Variants in SSBP3 observed in about 807,000 individuals in gnomAD.
SSBP3 encodes the protein single stranded DNA binding protein 3.
A neutral mutation model predicts 69.6 loss-of-function variants in SSBP3; 5 were observed. The ratio of observed to expected loss-of-function variants is 0.07; its 90% CI spans 0.04 to 0.15. The LOEUF is 0.15. SSBP3 is among the 10% of genes least tolerant of loss of function. The pLI is 1.00. For missense variants in SSBP3, 312 were observed against 534.0 expected (o/e 0.58, Z 4.10); for synonymous variants, 196 against 193.4 (o/e 1.01, Z -0.11).
At chr1:54,378,801 G>A (rs1330975677) in intron 4 of SSBP3, among the ~76,000 whole-genome samples, 4 of 152,200 alleles carry the variant, frequency 2.6e-5, no homozygotes, top group African/African-American at 9.7e-5. Context: ...AGAGCTGGAG[G>A]GCTGGGACAA....
intron 14 of SSBP3, among the ~76,000 whole-genome samples, chr1:54,234,697 CTGCTT>C (rs1279472651): frequency 2.3e-4 from 35 of 152,204 alleles, no homozygotes; most frequent in Admixed American, 1.5e-3. Flanking sequence ...ACATTCTGCT[CTGCTT>C]TCTTTCCCAC....
intron 4 of SSBP3, among the ~76,000 whole-genome samples, chr1:54,359,208 CAAAAAAAAA>C (rs56901465): frequency 9.3e-5 from 7 of 75,448 alleles, no homozygotes; most frequent in African/African-American, 1.9e-4. Context: ...ACCCTCCCCT[CAAAAAAAAA>C]AAAAAAAAAA....
At chr1:54,410,687 C>A (rs1319875959), upstream of SSBP3, among the ~76,000 whole-genome samples, 1 of 152,234 alleles carries the variant, frequency 6.6e-6, no homozygotes, top group Non-Finnish European at 1.5e-5. Context: ...GGCTTCACTG[C>A]CTTGCTGGCA....
intron 4 of SSBP3, among the ~76,000 whole-genome samples, chr1:54,351,982 G>A (rs1380529572): frequency 1.3e-5 from 2 of 152,210 alleles, no homozygotes; most frequent in African/African-American, 4.8e-5. Flanking sequence ...TCCACAGCAT[G>A]GAAGGCAAAA....
At chr1:54,397,571 G>A (rs992308892) in intron 4 of SSBP3, among the ~76,000 whole-genome samples, 3 of 152,152 alleles carry the variant, frequency 2.0e-5, no homozygotes, top group Non-Finnish European at 4.4e-5. Flanking sequence ...GGAGGACAGG[G>A]CCAGGGAGCC....
intron 4 of SSBP3, among the ~76,000 whole-genome samples, chr1:54,360,162 A>G (rs1287337945): frequency 2.0e-5 from 3 of 152,152 alleles, no homozygotes; most frequent in Non-Finnish European, 4.4e-5. Context: ...TGATTCACCT[A>G]TCTCCTTCAG....
intron 9 of SSBP3, among the ~76,000 whole-genome samples, chr1:54,248,783 G>C (rs761994523): frequency 1.6e-4 from 24 of 152,174 alleles, no homozygotes; most frequent in Non-Finnish European, 2.2e-4. Context: ...GTTTCTTCAA[G>C]GGACGTTTGG....
chr1:54,335,273 T>C (rs542014850), intron 4 of SSBP3, among the ~76,000 whole-genome samples: 1 of 152,340 alleles, frequency 6.6e-6, no homozygotes, highest in Admixed American at 6.5e-5. Context: ...CATTCCTCCT[T>C]GGAGAGCAAT....
intron 10 of SSBP3, among the ~76,000 whole-genome samples, chr1:54,242,553 A>G (rs1570238004): frequency 6.6e-6 from 1 of 152,248 alleles, no homozygotes; most frequent in African/African-American, 2.4e-5. Flanking sequence ...TACACTGTCC[A>G]GAGGTTCAAC....
chr1:54,247,434 C>T (rs1644753254), intron 9 of SSBP3, among the ~76,000 whole-genome samples: 1 of 152,176 alleles, frequency 6.6e-6, no homozygotes, highest in African/African-American at 2.4e-5. Context: ...GAGAAAGTTC[C>T]TCAAGGGGCC....
intron 4 of SSBP3, among the ~76,000 whole-genome samples, chr1:54,399,486 G>C (rs567282444): frequency 7.2e-5 from 11 of 152,368 alleles, no homozygotes; most frequent in Non-Finnish European, 1.6e-4. Context: ...AGTTAGCAGA[G>C]TGGCCTGGCA....
intron 4 of SSBP3, among the ~76,000 whole-genome samples, chr1:54,385,147 G>T (rs1647984112): frequency 6.6e-6 from 1 of 152,172 alleles, no homozygotes; most frequent in South Asian, 2.1e-4. Flanking sequence ...GCAGGCAGTG[G>T]GCAGTCCCTC....
Position 54,381,815 on chromosome 1 carries a change from C to A in SSBP3, c.276+20046G>T, listed in dbSNP as rs76638118. On this transcript the variant is annotated intron_variant, in intron 4 of 17. Coordinates refer to ENST00000610401, the Ensembl canonical transcript of SSBP3. ...GCCCAGGGAAGGGTGACCCCACAAT[C>A]CCCTGAGGGGATGCTGGGAAGCATT... Among the ~76,000 whole-genome samples, 590 of 152,382 alleles carry A rather than the reference C, an allele frequency of 3.9e-3. 3 individuals carry two copies. The highest frequency in any genetic ancestry group is 0.013 in the African/African-American group (554 of 41,606).
intron 4 of SSBP3, among the ~76,000 whole-genome samples, chr1:54,310,416 A>G (rs1171777657): frequency 6.6e-6 from 1 of 152,118 alleles, no homozygotes; most frequent in Non-Finnish European, 1.5e-5. Flanking sequence ...GGGCTGGGGG[A>G]AAATGCAGAG....
intron 4 of SSBP3, among the ~76,000 whole-genome samples, chr1:54,303,966 C>T (rs1192015437): frequency 3.9e-5 from 6 of 152,176 alleles, no homozygotes; most frequent in Non-Finnish European, 8.8e-5. Flanking sequence ...TACCAGACAG[C>T]GCTGCTCCAC....
intron 4 of SSBP3, among the ~76,000 whole-genome samples, chr1:54,360,718 T>C (rs1646937938): frequency 6.6e-6 from 1 of 152,154 alleles, no homozygotes; most frequent in South Asian, 2.1e-4. Flanking sequence ...TTACTGAACC[T>C]CCTCGAGTCT....
intron 4 of SSBP3, among the ~76,000 whole-genome samples, chr1:54,349,717 CA>C (rs5774184): frequency 2.0e-3 from 283 of 138,486 alleles, no homozygotes; most frequent in Middle Eastern, 7.3e-3. Context: ...GTGGATGGGC[CA>C]AAAAAAAAAA....
At chr1:54,239,276 T>C in intron 13 of SSBP3, 77 bp from the exon 14 acceptor site, 1 of 1,168,002 alleles carries the variant, frequency 8.6e-7, no homozygotes. Flanking sequence ...GCACTGGAAC[T>C]CATTCTTTTG....
At chr1:54,372,034 C>T (rs1011395361) in intron 4 of SSBP3, among the ~76,000 whole-genome samples, 1 of 152,192 alleles carries the variant, frequency 6.6e-6, no homozygotes, top group African/African-American at 2.4e-5. Context: ...TCCCAAACCA[C>T]TAGTTAATGA....
Sources: gnomAD v4.1 joint callset for allele counts (sites outside exome capture counted in the v4.1 genomes callset) on GRCh38, gnomAD v4.1.1 for gene constraint, MANE v1.5 for transcripts, NCBI Gene and HGNC (gene_info 2026-07-23, HGNC 2026-07-21) for gene names.